TCF4: variants seen among roughly 807,000 people sequenced by gnomAD.
TCF4 encodes transcription factor 4, also known as SL3-3 enhancer factor 2.
In TCF4, 3 loss-of-function variants were observed where a neutral mutation model predicts 82.1. That is an observed-to-expected ratio of 0.04 (90% CI 0.02 to 0.09). TCF4 has a LOEUF of 0.09. TCF4 is among the 10% of genes least tolerant of loss of function. TCF4 has a pLI of 1.00. For missense variants in TCF4, 518 were observed against 852.7 expected, an observed-to-expected ratio of 0.61 and a Z score of 4.89; for synonymous variants, 276 against 309.6, an observed-to-expected ratio of 0.89 and a Z score of 1.14.
intron 3 of TCF4, among the ~76,000 whole-genome samples, chr18:55,570,286 C>A (rs1383786791): frequency 6.6e-6 from 1 of 152,024 alleles, no homozygotes; most frequent in African/African-American, 2.4e-5. Flanking sequence ...ATATGTACAA[C>A]CTTGGGGTAA....
At chr18:55,621,441 T>TATATAAA in intron 2 of TCF4, among the ~76,000 whole-genome samples, 1 of 115,518 alleles carries the variant, frequency 8.7e-6, no homozygotes, top group South Asian at 2.3e-4. Context: ...TATAAAAATA[T>TATATAAA]ATATATAATA....
chr18:55,417,563 G>A (rs1187817990), intron 5 of TCF4, among the ~76,000 whole-genome samples: 1 of 152,100 alleles, frequency 6.6e-6, no homozygotes, highest in Non-Finnish European at 1.5e-5. Context: ...GAATGGACTG[G>A]ACTGACTCTG....
At chr18:55,321,378 T>A in intron 8 of TCF4, 1 of 404,792 alleles carries the variant, frequency 2.5e-6, no homozygotes. Flanking sequence ...AAAAAAATCA[T>A]ACCACCTCTC....
chr18:55,556,707 G>A lies in TCF4; in HGVS notation c.145+28573C>T, dbSNP rs548624734. Among the ~76,000 whole-genome samples the A allele has an allele frequency of 2.0e-5, 3 of 152,194 alleles. No homozygotes were observed. The South Asian group carries it at 6.2e-4, about 32-fold the overall frequency. On this transcript the variant is annotated intron_variant, in intron 3 of 19. Transcript: ENST00000354452. ...CCCATTGTATAATAAATACACATGT[G>A]TATATTACCTTTATTTTCTTAAATA...
chr18:55,590,748 AAC>A (rs1437562908), upstream of TCF4, among the ~76,000 whole-genome samples: 3 of 152,234 alleles, frequency 2.0e-5, no homozygotes, highest in African/African-American at 7.2e-5. Flanking sequence ...AATGACAGAT[AAC>A]ACATGTGTTT....
intron 8 of TCF4, among the ~76,000 whole-genome samples, chr18:55,296,675 A>G (rs1029848545): frequency 6.6e-6 from 1 of 152,236 alleles, no homozygotes; most frequent in African/African-American, 2.4e-5. Flanking sequence ...CATCAGTGTG[A>G]CTGCTCCTAA....
chr18:55,334,313 T>C (rs191987616), intron 8 of TCF4, among the ~76,000 whole-genome samples: 299 of 152,308 alleles, frequency 2.0e-3, no homozygotes, highest in Admixed American at 3.3e-3. Flanking sequence ...ATAACTTTTA[T>C]AAATAACATA....
chr18:55,350,439 C>T, intron 7 of TCF4, 31 bp from the exon 8 acceptor site: 3 of 1,612,396 alleles, frequency 1.9e-6, no homozygotes, highest in Non-Finnish European at 2.5e-6. Flanking sequence ...TTTCAGCTCC[C>T]AAATGCCCAT....
chr18:55,280,852 A>G (rs562939805), intron 8 of TCF4, among the ~76,000 whole-genome samples: 1 of 152,228 alleles, frequency 6.6e-6, no homozygotes, highest in Non-Finnish European at 1.5e-5. Flanking sequence ...CATGAATCAT[A>G]AACTAAGCAT....
chr18:55,543,968 C>T (rs999692923), intron 3 of TCF4, among the ~76,000 whole-genome samples: 30 of 151,940 alleles, frequency 2.0e-4, no homozygotes, highest in African/African-American at 7.0e-4. Flanking sequence ...CATATAACCA[C>T]ATTTTTTAAA....
chr18:55,505,300 T>C (rs538973410), intron 3 of TCF4, among the ~76,000 whole-genome samples: 40 of 152,330 alleles, frequency 2.6e-4, no homozygotes, highest in African/African-American at 9.4e-4. Context: ...ATATGCTGGA[T>C]AGCTAACTAA....
intron 5 of TCF4, among the ~76,000 whole-genome samples, chr18:55,441,023 G>T (rs1449635449): frequency 2.0e-5 from 3 of 152,058 alleles, no homozygotes; most frequent in Non-Finnish European, 2.9e-5. Flanking sequence ...TGTTTTGAGG[G>T]ATAAAAAGGC....
intron 3 of TCF4, among the ~76,000 whole-genome samples, chr18:55,494,869 G>C (rs2096616462): frequency 6.6e-6 from 1 of 151,226 alleles, no homozygotes; most frequent in African/African-American, 2.4e-5. Flanking sequence ...CTCAGTTCAA[G>C]TTATTAACTT....
At chr18:55,356,067 G>A (rs1420252191) in intron 6 of TCF4, among the ~76,000 whole-genome samples, 3 of 152,032 alleles carry the variant, frequency 2.0e-5, no homozygotes, top group Admixed American at 6.6e-5. Context: ...TCTATCATAG[G>A]GTTATCAGGA....
chr18:55,507,501 C>T (rs1446516660), intron 3 of TCF4, among the ~76,000 whole-genome samples: 1 of 151,430 alleles, frequency 6.6e-6, no homozygotes. Flanking sequence ...ATTTTTGGAC[C>T]ACAGCTGATG....
At chr18:55,325,215 A>C (rs928218973) in intron 8 of TCF4, among the ~76,000 whole-genome samples, 1 of 152,138 alleles carries the variant, frequency 6.6e-6, no homozygotes, top group Non-Finnish European at 1.5e-5. Flanking sequence ...GTGATTCCCA[A>C]CTTTGGGTTA....
chr18:55,448,206 GTCC>G (rs2095559524), intron 5 of TCF4, among the ~76,000 whole-genome samples: 2 of 152,212 alleles, frequency 1.3e-5, no homozygotes, highest in African/African-American at 4.8e-5. Flanking sequence ...ATAAAAACCA[GTCC>G]TCCTTTCATC....
chr18:55,407,974 GC>G (rs2094177346), intron 5 of TCF4, among the ~76,000 whole-genome samples: 2 of 152,022 alleles, frequency 1.3e-5, no homozygotes, highest in African/African-American at 4.8e-5. Context: ...GTAGATTACT[GC>G]CCCTGGATAC....
intron 8 of TCF4, chr18:55,321,768 C>T (rs1428993082): frequency 6.6e-7 from 1 of 1,523,690 alleles, no homozygotes; most frequent in Non-Finnish European, 8.8e-7. Context: ...TCCTCAGTAC[C>T]ACTCTAACAA....
Sources: gnomAD v4.1 joint callset for allele counts (sites outside exome capture counted in the v4.1 genomes callset) on GRCh38, gnomAD v4.1.1 for gene constraint, MANE v1.5 for transcripts, NCBI Gene and HGNC (gene_info 2026-07-23, HGNC 2026-07-21) for gene names.